The following SCD5 variants were observed in gnomAD, a reference collection of about 807,000 sequenced individuals.
The protein encoded by SCD5 is acyl-CoA-desaturase 4.
Under a neutral mutation model 30.4 loss-of-function variants are expected in SCD5, and 20 were observed. That is an observed-to-expected ratio of 0.66 (90% confidence interval 0.46 to 0.96). SCD5 has a LOEUF of 0.96. Among genes scored for constraint, SCD5 ranks in the 40% least tolerant of loss-of-function variants. The probability of loss-of-function intolerance (pLI) is 0.00; values close to 1 mark genes in which losing one functional copy is unlikely to be tolerated. For missense variants in SCD5, 381 were observed against 443.3 expected (o/e 0.86, Z 1.26); for synonymous variants, 173 against 176.4 (o/e 0.98, Z 0.16).
intron 3 of SCD5, among the ~76,000 whole-genome samples, chr4:82,679,280 G>GAAAGA (rs201019722): frequency 4.4e-5 from 5 of 113,422 alleles, no homozygotes; most frequent in Admixed American, 2.7e-4. Context: ...AAGAAAGAAA[G>GAAAGA]AAGGAAGGAA....
chr4:82,759,510 TC>T (rs1249654002), intron 1 of SCD5, among the ~76,000 whole-genome samples: 1 of 151,922 alleles, frequency 6.6e-6, no homozygotes, highest in Non-Finnish European at 1.5e-5. Context: ...TCAGACAAGC[TC>T]CCTCAACACT....
At chr4:82,687,185 AAAAAGAAAGAAAGAAAGAAAAG>A (rs1471528524) in intron 2 of SCD5, among the ~76,000 whole-genome samples, 13 of 135,444 alleles carry the variant, frequency 9.6e-5, no homozygotes, top group African/African-American at 2.9e-4. Context: ...AAAAAAAAAA[AAAAAGAAAGAAAGAAAGAAAAG>A]AAAGAAAGAA....
At chr4:82,771,192 C>T (rs7688158) in intron 1 of SCD5, among the ~76,000 whole-genome samples, 6,208 of 152,222 alleles carry the variant, frequency 0.041, 180 homozygotes, top group African/African-American at 0.082. Flanking sequence ...TGGTCTCATA[C>T]TCCTGGGTTC....
At chr4:82,753,312 G>T in intron 1 of SCD5, 1 of 523,956 alleles carries the variant, frequency 1.9e-6, no homozygotes. Context: ...CCTGGGGTGG[G>T]GGTGGGGGGT....
At chr4:82,676,221 T>C (rs920708624) in intron 3 of SCD5, among the ~76,000 whole-genome samples, 5 of 152,184 alleles carry the variant, frequency 3.3e-5, no homozygotes, top group Admixed American at 6.5e-5. Context: ...GGAATCCCAG[T>C]TCTCTACTGA....
intron 3 of SCD5, among the ~76,000 whole-genome samples, chr4:82,654,201 A>C (rs984000348): frequency 1.3e-5 from 2 of 152,134 alleles, no homozygotes; most frequent in Non-Finnish European, 2.9e-5. Context: ...TGTTTCAACA[A>C]ATCACATTAT....
chr4:82,738,666 A>G (rs1429722166), intron 1 of SCD5, among the ~76,000 whole-genome samples: 5 of 152,286 alleles, frequency 3.3e-5, no homozygotes, highest in East Asian at 1.9e-4. Context: ...ATCCTGGTAG[A>G]CCATAGAGAA....
chr4:82,742,768 G>A (rs1186684008), intron 1 of SCD5, among the ~76,000 whole-genome samples: 1 of 152,080 alleles, frequency 6.6e-6, no homozygotes, highest in Non-Finnish European at 1.5e-5. Context: ...GTGAGATTCT[G>A]TCTCCAAAAA....
At chr4:82,714,042 T>C (rs996051526) in intron 1 of SCD5, among the ~76,000 whole-genome samples, 2 of 152,238 alleles carry the variant, frequency 1.3e-5, no homozygotes, top group African/African-American at 4.8e-5. Context: ...TTGTGCATCA[T>C]ATCCACTCAT....
chr4:82,763,379 T>A lies in SCD5; in HGVS notation c.232+34927A>T, dbSNP rs1277343307. Among the ~76,000 whole-genome samples, 5 of 152,134 alleles carry A rather than the reference T, an allele frequency of 3.3e-5. No homozygotes were observed. The South Asian group carries it at 1.0e-3, about 32-fold the overall frequency. On this transcript the variant is annotated intron_variant, in intron 1 of 4. Coordinates refer to ENST00000319540, the MANE Select transcript of SCD5 (RefSeq NM_001037582.3). Reference sequence around the variant, plus strand: ...TACAAAAATTAGCCAGGTGTGGTGGTGCACACCTGTAGTCCCAGCTACTCA... The same window carrying A: ...TACAAAAATTAGCCAGGTGTGGTGGAGCACACCTGTAGTCCCAGCTACTCA...
At chr4:82,700,025 T>C (rs750483285) in intron 2 of SCD5, among the ~76,000 whole-genome samples, 2 of 151,852 alleles carry the variant, frequency 1.3e-5, no homozygotes, top group Non-Finnish European at 2.9e-5. Context: ...GAGACCAGCC[T>C]GACCAACACG....
rs1166417528 is a variant in SCD5, at chr4:82,631,492, G to A, written c.828C>T (p.His276=). ...AIGEGFHNYH[H]TFPFDYSASE... is the part of the protein sequence containing the mutation. ...TCGCAGAGTAGTCAAAGGGAAAGGT[G>A]TGATGGTAATTATGGAAGCCTTCAC... The change falls in exon 5 of 5, where the codon CAC becomes CAT. Residue 276 remains histidine, a synonymous_variant. Transcript: ENST00000319540. The A allele has an allele frequency of 6.2e-7, 1 of 1,614,046 alleles. No homozygotes were observed. The highest frequency in any genetic ancestry group is 8.5e-7 in the Non-Finnish European group (1 of 1,180,008).
intron 3 of SCD5, chr4:82,660,937 T>C (rs1289643682): frequency 1.2e-6 from 2 of 1,614,146 alleles, no homozygotes; most frequent in South Asian, 2.2e-5. Flanking sequence ...TTCGGAGTGG[T>C]TACAATGAGT....
intron 3 of SCD5, among the ~76,000 whole-genome samples, chr4:82,641,919 G>A (rs1727554867): frequency 6.6e-6 from 1 of 152,098 alleles, no homozygotes; most frequent in Non-Finnish European, 1.5e-5. Context: ...GGGGAGAATG[G>A]AGGAGGAGTG....
chr4:82,745,505 T>C (rs1720963193), intron 1 of SCD5, among the ~76,000 whole-genome samples: 1 of 152,204 alleles, frequency 6.6e-6, no homozygotes. Flanking sequence ...CAATGTTTGT[T>C]TGTTTTTTCC....
At position 82,654,089 on chromosome 4, in the gene SCD5, G is replaced by A. The variant is rs1364706991; in HGVS notation, c.570-17266C>T. On this transcript the variant is annotated intron_variant, in intron 3 of 4. Transcript: ENST00000319540. ...TCTGCCACCACCCTGGCTAATTATT[G>A]TATTTTTTGTAGAGACGGGGTTTCA... Among the ~76,000 whole-genome samples, 6 of 152,202 alleles carry A rather than the reference G, an allele frequency of 3.9e-5. No homozygotes were observed. The South Asian group carries it at 8.3e-4, about 21-fold the overall frequency.
intron 3 of SCD5, among the ~76,000 whole-genome samples, chr4:82,677,363 T>C (rs148446961): frequency 6.6e-6 from 1 of 152,208 alleles, no homozygotes; most frequent in African/African-American, 2.4e-5. Flanking sequence ...CAAATGCAGC[T>C]GGGCACCTTC....
At chr4:82,755,646 T>C (rs1450229207) in intron 1 of SCD5, among the ~76,000 whole-genome samples, 1 of 152,182 alleles carries the variant, frequency 6.6e-6, no homozygotes, top group African/African-American at 2.4e-5. Context: ...AACAATGCGC[T>C]CAAAAAGGAT....
chr4:82,678,739 G>T lies in SCD5; in HGVS notation c.569+1968C>A, dbSNP rs751232339. Among the ~76,000 whole-genome samples, 3 of 152,128 alleles carry T rather than the reference G, an allele frequency of 2.0e-5. No homozygotes were observed. In the East Asian group the frequency reaches 5.8e-4, roughly 29 times the overall value. On this transcript the variant is annotated intron_variant, in intron 3 of 4. Coordinates refer to ENST00000319540, the MANE Select transcript of SCD5 (RefSeq NM_001037582.3). Reference sequence around the variant, plus strand: ...ACGACTGCCATCATGCAAAATATATGAAATAGAAAGAGATACTACTGAATA... The same window carrying T: ...ACGACTGCCATCATGCAAAATATATTAAATAGAAAGAGATACTACTGAATA...
Sources: allele counts gnomAD v4.1 joint callset (sites outside exome capture counted in the v4.1 genomes callset), GRCh38; gene constraint gnomAD v4.1.1; transcripts MANE v1.5; gene names NCBI Gene and HGNC (gene_info 2026-07-23, HGNC 2026-07-21).